The following POU3F3 variants were observed in gnomAD, a reference collection of about 807,000 sequenced individuals.
POU3F3 encodes the protein POU domain, class 3, transcription factor 3.
POU3F3 carries 1 observed loss-of-function variant against 8.6 expected under a neutral mutation model. The observed-to-expected ratio is 0.12, with a 90% CI of 0.04 to 0.55. The LOEUF (loss-of-function observed/expected upper bound fraction) is 0.55, where lower values mean the gene tolerates loss of function less well. Among genes scored for constraint, POU3F3 ranks in the 20% least tolerant of loss-of-function variants. The pLI, the probability that POU3F3 is intolerant of heterozygous loss-of-function variation, is 0.91. For synonymous variants in POU3F3, 418 were observed against 327.4 expected (o/e 1.28, Z -2.99); for missense variants, 577 against 690.7 (o/e 0.84, Z 1.84).
chr2:104,915,429 C>T, the POU3F3 span, among the ~76,000 whole-genome samples: 1 of 152,306 alleles, frequency 6.6e-6, no homozygotes, highest in Admixed American at 6.5e-5. Flanking sequence ...CTTTGTTACA[C>T]ATAGAGCAAG....
the POU3F3 span, chr2:104,868,448 C>G: frequency 9.3e-6 from 4 of 430,278 alleles, no homozygotes; most frequent in South Asian, 6.7e-5. Flanking sequence ...TCCCCTACTT[C>G]TTGGTGTCCC....
chr2:104,915,780 G>C, the POU3F3 span, among the ~76,000 whole-genome samples: 1 of 151,920 alleles, frequency 6.6e-6, no homozygotes, highest in Non-Finnish European at 1.5e-5. Context: ...GACACGTTTC[G>C]AGAATGATAC....
the POU3F3 span, among the ~76,000 whole-genome samples, chr2:104,896,003 C>G: frequency 2.0e-5 from 3 of 152,170 alleles, no homozygotes; most frequent in Non-Finnish European, 4.4e-5. Flanking sequence ...AGCAGGGAGT[C>G]TGTTTCAGCA....
chr2:104,866,693 T>C, the POU3F3 span: 1 of 152,232 alleles, frequency 6.6e-6, no homozygotes, highest in South Asian at 2.1e-4. Context: ...GAAAGGAGGA[T>C]TGAAGACCAG....
Position 104,856,742 on chromosome 2 carries a change from C to A in POU3F3, c.1232C>A (p.Thr411Asn). 6.2e-7 allele frequency: 1 copy of A among 1,614,130 alleles called. No homozygotes were observed. Among genetic ancestry groups the A allele is most frequent in the Non-Finnish European group, 8.5e-7 (1 of 1,180,038 alleles). ...CAGGGCCGCAAGCGCAAGAAGCGGACCTCTATCGAGGTGAGCGTCAAGGGC... is the reference window on the plus strand; with the variant it reads ...CAGGGCCGCAAGCGCAAGAAGCGGAACTCTATCGAGGTGAGCGTCAAGGGC... ...AAQGRKRKKRTSIEVSVKGAL... is the reference protein window; with the variant it reads ...AAQGRKRKKRNSIEVSVKGAL... The change falls in exon 1 of 1, where the codon ACC becomes AAC. Residue 411 changes from threonine (T) to asparagine (N), a missense_variant. By Grantham distance (65) the Thr-to-Asn change is moderately conservative. Around this residue, in one of 7 missense-constraint regions of POU3F3, gnomAD observed 21 missense variants for 41.9 expected, o/e 0.50. Coordinates refer to ENST00000361360, the MANE Select transcript of POU3F3 (RefSeq NM_006236.3).
chr2:104,926,656 T>C, the POU3F3 span, among the ~76,000 whole-genome samples: 1 of 152,198 alleles, frequency 6.6e-6, no homozygotes, highest in Non-Finnish European at 1.5e-5. Flanking sequence ...TGTATGTTTA[T>C]TGCAGCACTG....
the POU3F3 span, among the ~76,000 whole-genome samples, chr2:104,897,954 C>T: frequency 1.3e-5 from 2 of 152,092 alleles, no homozygotes; most frequent in Non-Finnish European, 2.9e-5. Context: ...CTGAAATACC[C>T]AAGAAAAAAT....
In POU3F3 at chr2:104,856,200, G is replaced by A. The variant is rs1282760794; in HGVS notation, c.690G>A (p.Val230=). ...LLYSQPGGFT[V]NGMLSAPPGP... is the part of the protein sequence containing the mutation. ...ACTCGCAGCCCGGAGGCTTCACGGT[G>A]AACGGCATGCTGAGCGCGCCACCGG... Residue 230 remains valine (V), a synonymous_variant, in exon 1 of 1, where the codon GTG becomes GTA. Transcript: ENST00000361360. 1.6e-6 allele frequency: 2 copies of A among 1,266,532 alleles called. No individual in the cohort carries two copies. The highest frequency in any genetic ancestry group is 2.0e-6 in the Non-Finnish European group (2 of 1,013,608). 78.5% of individuals were successfully genotyped at this position (1,266,532 alleles called of 1,614,324 possible).
the POU3F3 span, among the ~76,000 whole-genome samples, chr2:104,886,683 G>T: frequency 6.6e-6 from 1 of 152,140 alleles, no homozygotes; most frequent in Non-Finnish European, 1.5e-5. Flanking sequence ...TGAGGTAGGT[G>T]GATCACCTGA....
At position 104,857,067 on chromosome 2, in the gene POU3F3, G is replaced by A. The variant is rs947552797; in HGVS notation, c.*54G>A. On this transcript the variant is annotated 3_prime_UTR_variant, in exon 1 of 1. Transcript: ENST00000361360. ...CGCCGCCGCCGCCTCCGCAGCCGCC[G>A]TCAGCACCGCCGCCGCCCCTGCCGC... 7 of 1,228,238 alleles carry A rather than the reference G, an allele frequency of 5.7e-6. No homozygotes were observed. The highest frequency in any genetic ancestry group is 6.1e-6 in the Non-Finnish European group (6 of 981,408). The allele number at this position is 1,228,238 out of a possible 1,614,324, so 76.1% of individuals were successfully genotyped here.
chr2:104,900,591 C>T, the POU3F3 span, among the ~76,000 whole-genome samples: 1 of 152,162 alleles, frequency 6.6e-6, no homozygotes, highest in Non-Finnish European at 1.5e-5. Context: ...CTTCCCCTGT[C>T]GTCTTTTCAT....
At chr2:104,926,772 A>T in the POU3F3 span, among the ~76,000 whole-genome samples, 32 of 152,232 alleles carry the variant, frequency 2.1e-4, no homozygotes, top group African/African-American at 7.0e-4. Context: ...AGCCATAAAA[A>T]AGGATGAGTT....
the POU3F3 span, among the ~76,000 whole-genome samples, chr2:104,908,925 CT>C: frequency 6.6e-5 from 10 of 152,080 alleles, no homozygotes; most frequent in Non-Finnish European, 1.2e-4. Flanking sequence ...TAAAACAATT[CT>C]TTTTCTTTTT....
the POU3F3 span, among the ~76,000 whole-genome samples, chr2:104,894,632 G>A: frequency 1.1e-4 from 1 of 9,112 alleles, no homozygotes; most frequent in African/African-American, 5.3e-4. Context: ...GTCAACTGGT[G>A]GCCAGGCTGT....
At chr2:104,866,744 CAT>C in the POU3F3 span, 6 of 152,296 alleles carry the variant, frequency 3.9e-5, no homozygotes, top group Admixed American at 3.9e-4. Context: ...AACGTGTAGC[CAT>C]ATATGACAGG....
chr2:104,920,911 C>G, the POU3F3 span, among the ~76,000 whole-genome samples: 6 of 152,094 alleles, frequency 3.9e-5, no homozygotes, highest in African/African-American at 1.4e-4. Context: ...CGCTATGATC[C>G]AAGAAGTCTC....
At chr2:104,873,200 AG>A in the POU3F3 span, among the ~76,000 whole-genome samples, 1 of 152,152 alleles carries the variant, frequency 6.6e-6, no homozygotes, top group African/African-American at 2.4e-5. Flanking sequence ...CCGGTAAGTA[AG>A]GGCAGAGAAA....
the POU3F3 span, among the ~76,000 whole-genome samples, chr2:104,889,406 C>T: frequency 6.6e-5 from 10 of 152,170 alleles, no homozygotes; most frequent in African/African-American, 2.4e-4. Flanking sequence ...CAGGCTCCTC[C>T]CAGCTGCAAA....
the POU3F3 span, among the ~76,000 whole-genome samples, chr2:104,892,112 G>A: frequency 6.6e-6 from 1 of 152,194 alleles, no homozygotes; most frequent in Non-Finnish European, 1.5e-5. Flanking sequence ...GGAGACCTGA[G>A]CAGGATGCCC....
Sources: gnomAD v4.1 joint callset for allele counts (sites outside exome capture counted in the v4.1 genomes callset) on GRCh38, gnomAD v4.1.1 for gene constraint, gnomAD v4.1.1 regional missense constraint, MANE v1.5 for transcripts, NCBI Gene and HGNC (gene_info 2026-07-23, HGNC 2026-07-21) for gene names.